The following LITAF variants were observed in gnomAD, a reference collection of about 807,000 sequenced individuals.
LITAF encodes lipopolysaccharide induced TNF factor.
Under a neutral mutation model 14.5 loss-of-function variants are expected in LITAF, and 9 were observed. The ratio of observed to expected loss-of-function variants is 0.62; its 90% CI spans 0.37 to 1.08. LITAF has a LOEUF of 1.08. Ranked by LOEUF, LITAF falls within the 50% of genes least tolerant of loss-of-function variation. The pLI, the probability that LITAF is intolerant of heterozygous loss-of-function variation, is 0.01. For synonymous variants in LITAF, 98 were observed against 88.2 expected (o/e 1.11, Z -0.62); for missense variants, 206 against 213.4 (o/e 0.97, Z 0.22).
chr16:11,603,600 C>G (rs998499355), intron 3 of LITAF, among the ~76,000 whole-genome samples: 1 of 152,202 alleles, frequency 6.6e-6, no homozygotes, highest in Admixed American at 6.5e-5. Context: ...GCAAGGTTTC[C>G]TAGCAGACAG....
At chr16:11,555,851 T>C (rs374631230) in intron 2 of LITAF, among the ~76,000 whole-genome samples, 1 of 152,138 alleles carries the variant, frequency 6.6e-6, no homozygotes, top group African/African-American at 2.4e-5. Flanking sequence ...TCACTGATAT[T>C]TATAAATAGG....
intron 1 of LITAF, among the ~76,000 whole-genome samples, chr16:11,596,670 G>A (rs2064890175): frequency 1.2e-5 from 1 of 82,916 alleles, no homozygotes; most frequent in Admixed American, 1.3e-4. Flanking sequence ...GGATGTGGAG[G>A]GAAAAAGGAG....
At chr16:11,564,593 G>A (rs2064422655) in intron 1 of LITAF, among the ~76,000 whole-genome samples, 1 of 49,580 alleles carries the variant, frequency 2.0e-5, no homozygotes, top group South Asian at 5.2e-4. Context: ...GGAGATTGCA[G>A]GGGAGTGCAA....
intron 3 of LITAF, among the ~76,000 whole-genome samples, chr16:11,551,313 C>G (rs2064178542): frequency 6.6e-6 from 1 of 152,164 alleles, no homozygotes; most frequent in African/African-American, 2.4e-5. Context: ...CCAGGCAGCA[C>G]ACACACATAT....
chr16:11,639,690 T>TCATTC (rs149927880), upstream of LITAF, among the ~76,000 whole-genome samples: 32,397 of 151,848 alleles, frequency 0.21, 3,617 homozygotes, highest in Non-Finnish European at 0.26. Flanking sequence ...GAAAAAAGAT[T>TCATTC]CATCTTTAAA....
chr16:11,584,751 A>G lies in LITAF; in HGVS notation c.-6+2135T>C, dbSNP rs529705554. 5.5e-4 allele frequency among the ~76,000 whole-genome samples: 83 copies of G among 152,234 alleles called. 1 individual carries two copies. The highest frequency in any genetic ancestry group is 3.4e-3 in the Middle Eastern group (1 of 294). Reference sequence around the variant, plus strand: ...CGGTGTGTGTTTCTACTTTCTACCCATTGCGTAAACCCCTCAGGACCAGGA... The same window carrying G: ...CGGTGTGTGTTTCTACTTTCTACCCGTTGCGTAAACCCCTCAGGACCAGGA... On this transcript the variant is annotated intron_variant, in intron 1 of 3. Coordinates refer to ENST00000622633, the MANE Select transcript of LITAF (RefSeq NM_001136472.2).
intron 1 of LITAF, among the ~76,000 whole-genome samples, chr16:11,566,668 A>C (rs2064455522): frequency 6.6e-6 from 1 of 152,120 alleles, no homozygotes; most frequent in South Asian, 2.1e-4. Context: ...GGAGGCTGAG[A>C]TAGGAGGATC....
chr16:11,584,107 C>G (rs746861994), intron 1 of LITAF: 18 of 152,188 alleles, frequency 1.2e-4, no homozygotes, highest in Non-Finnish European at 1.6e-4. Flanking sequence ...AAATTCAGAA[C>G]AGACCATGGG....
At chr16:11,621,314 T>C (rs936437264) in intron 3 of LITAF, among the ~76,000 whole-genome samples, 1 of 152,170 alleles carries the variant, frequency 6.6e-6, no homozygotes, top group African/African-American at 2.4e-5. Context: ...TCTGCCCACC[T>C]CGGCCTCCCA....
chr16:11,600,584 A>G (rs762896075), upstream of LITAF, among the ~76,000 whole-genome samples: 44 of 152,094 alleles, frequency 2.9e-4, no homozygotes, highest in Admixed American at 1.3e-4. The surrounding 1 kb of genome is among the most constrained non-coding windows in gnomAD (Gnocchi z 4.1). Context: ...GCTGGCCCCC[A>G]CCCTTCACCT....
chr16:11,627,345 G>C (rs1425919376), intron 3 of LITAF, among the ~76,000 whole-genome samples: 1 of 152,218 alleles, frequency 6.6e-6, no homozygotes, highest in South Asian at 2.1e-4. Flanking sequence ...GGAGAATGAA[G>C]CCAACACAGA....
intron 1 of LITAF, among the ~76,000 whole-genome samples, chr16:11,573,576 C>G (rs1019746062): frequency 5.3e-5 from 8 of 152,090 alleles, no homozygotes; most frequent in African/African-American, 1.9e-4. Context: ...CCACAAGGTA[C>G]TGAAACGAGG....
chr16:11,555,107 A>G (rs2064248150), intron 2 of LITAF, among the ~76,000 whole-genome samples: 1 of 152,034 alleles, frequency 6.6e-6, no homozygotes, highest in Non-Finnish European at 1.5e-5. Context: ...ATCATAGCTC[A>G]CTGCAGCCTC....
In LITAF at chr16:11,553,819, C is replaced by A. The variant is rs576182254; in HGVS notation, c.221-130G>T. The stretch of plus-strand genomic sequence containing the variant: ...TTTGTACATTTGTGTTCATAGCATG[C>A]GTTCATCGTCTGGCTATCTATGAGA... On this transcript the variant is annotated intron_variant, in intron 2 of 3. Transcript: ENST00000622633. The surrounding 1 kb of genome is among the most constrained non-coding windows in gnomAD (Gnocchi z 7.7). 9.4e-7 allele frequency: 1 copy of A among 1,061,206 alleles called. No homozygotes were observed. 65.7% of individuals were successfully genotyped at this position (1,061,206 alleles called of 1,614,324 possible).
chr16:11,582,923 A>T (rs566487045), intron 1 of LITAF, among the ~76,000 whole-genome samples: 1 of 152,352 alleles, frequency 6.6e-6, no homozygotes, highest in East Asian at 1.9e-4. Flanking sequence ...AGCTACAATA[A>T]TTCTGCAATA....
At chr16:11,620,867 G>C (rs2065046061) in intron 3 of LITAF, among the ~76,000 whole-genome samples, 2 of 152,130 alleles carry the variant, frequency 1.3e-5, no homozygotes, top group Admixed American at 1.3e-4. Context: ...GCTGCTCCAG[G>C]ACATGTCAAC....
intron 1 of LITAF, among the ~76,000 whole-genome samples, chr16:11,562,901 CAAAAG>C (rs2064391916): frequency 6.8e-6 from 1 of 147,612 alleles, no homozygotes; most frequent in Non-Finnish European, 1.5e-5. Flanking sequence ...TGTCTCAAAA[CAAAAG>C]AAAAAAAAAT....
At chr16:11,551,754 C>T (rs1015482651) in intron 3 of LITAF, 1 of 686,694 alleles carries the variant, frequency 1.5e-6, no homozygotes, top group Admixed American at 2.1e-5. Context: ...ATTGCAGGAG[C>T]CCAGGAGATC....
At chr16:11,562,154 C>T (rs1380789074) in intron 1 of LITAF, among the ~76,000 whole-genome samples, 2 of 151,560 alleles carry the variant, frequency 1.3e-5, no homozygotes, top group Non-Finnish European at 2.9e-5. Flanking sequence ...CTCCTGGGCT[C>T]AAGTGATCCT....
Sources: allele counts gnomAD v4.1 joint callset (sites outside exome capture counted in the v4.1 genomes callset), GRCh38; gene constraint gnomAD v4.1.1; non-coding constraint Gnocchi (gnomAD v3.1); transcripts MANE v1.5; gene names NCBI Gene and HGNC (gene_info 2026-07-23, HGNC 2026-07-21).